Variants in PTK2 observed in about 807,000 individuals in gnomAD.
PTK2 encodes focal adhesion kinase 1.
In PTK2, 45 loss-of-function variants were observed where a neutral mutation model predicts 150.1. The ratio of observed to expected loss-of-function variants is 0.30; its 90% confidence interval spans 0.24 to 0.38. PTK2 has a LOEUF of 0.38. Ranked by LOEUF, PTK2 falls within the 10% of genes least tolerant of loss-of-function variation. The pLI, the probability that PTK2 is intolerant of heterozygous loss-of-function variation, is 1.00. For missense variants in PTK2, 919 were observed against 1,307.3 expected (o/e 0.70, Z 4.58); for synonymous variants, 432 against 449.2 (o/e 0.96, Z 0.48).
At chr8:140,746,790 C>G in exon 18 of PTK2, 2 of 1,613,222 alleles carry the variant, frequency 1.2e-6, no homozygotes, top group Non-Finnish European at 1.7e-6. Context: ...CCATGATTAT[C>G]CAGACAGGAT....
At chr8:140,710,532 G>C (rs140894598) in intron 23 of PTK2, among the ~76,000 whole-genome samples, 3 of 151,930 alleles carry the variant, frequency 2.0e-5, no homozygotes, top group Non-Finnish European at 4.4e-5. Flanking sequence ...TTAGCCAGGC[G>C]TGGTGGCACA....
intron 1 of PTK2, among the ~76,000 whole-genome samples, chr8:140,951,726 T>A (rs1300252313): frequency 5.3e-5 from 8 of 151,726 alleles, no homozygotes; most frequent in African/African-American, 7.3e-5. Flanking sequence ...TACAAAAAAA[T>A]TTTTTTAATT....
Position 140,693,409 on chromosome 8 carries a change from T to A in PTK2, c.2500-6715A>T, listed in dbSNP as rs113076055. Among the ~76,000 whole-genome samples the A allele has an allele frequency of 7.8e-3, 1,186 of 151,422 alleles. 7 individuals are homozygous for A. The highest frequency in any genetic ancestry group is 0.011 in the Non-Finnish European group (745 of 67,852). On this transcript the variant is annotated intron_variant, in intron 26 of 31. Coordinates refer to ENST00000522684, the Ensembl canonical transcript of PTK2. The stretch of plus-strand genomic sequence containing the variant: ...TCTCTATAAAAAAAAGTAACAAAAT[T>A]AGCCAGGCTTGGTAGCATATGCCCG...
intron 3 of PTK2, among the ~76,000 whole-genome samples, chr8:140,882,775 T>G (rs955573447): frequency 6.6e-6 from 1 of 152,208 alleles, no homozygotes; most frequent in African/African-American, 2.4e-5. Flanking sequence ...CTAGCTGTCA[T>G]CAAAGGTATT....
rs372937897 is a variant in PTK2 at position 140,731,833 on chromosome 8, G to C, written c.2030+3418C>G. Among the ~76,000 whole-genome samples, 41 of 152,264 alleles carry C rather than the reference G, an allele frequency of 2.7e-4. 2 individuals carry two copies. Among genetic ancestry groups the C allele is most frequent in the African/African-American group, 9.6e-4 (40 of 41,544 alleles). On this transcript the variant is annotated intron_variant, in intron 22 of 31. Coordinates refer to ENST00000522684, the Ensembl canonical transcript of PTK2. ...TGGGAGAATCACTTGAGCATGGGAG[G>C]TGGAGGTTGCAGGCAGCAGAGATGG...
chr8:140,887,800 A>T (rs1229872362), intron 3 of PTK2, among the ~76,000 whole-genome samples: 1 of 152,162 alleles, frequency 6.6e-6, no homozygotes, highest in Non-Finnish European at 1.5e-5. Context: ...ATCATAACAC[A>T]TTGATATATT....
intron 1 of PTK2, among the ~76,000 whole-genome samples, chr8:140,994,740 TC>T (rs2100196970): frequency 6.6e-6 from 1 of 152,174 alleles, no homozygotes; most frequent in Non-Finnish European, 1.5e-5. Flanking sequence ...TTCCCACTAT[TC>T]CACTTACTGG....
At chr8:140,980,702 G>A (rs909954169) in intron 1 of PTK2, among the ~76,000 whole-genome samples, 2 of 150,874 alleles carry the variant, frequency 1.3e-5, no homozygotes, top group African/African-American at 4.9e-5. Flanking sequence ...CCTTCAAGTC[G>A]CCTGCCTGGG....
chr8:140,813,640 T>C (rs2100102903), intron 10 of PTK2, among the ~76,000 whole-genome samples: 1 of 152,210 alleles, frequency 6.6e-6, no homozygotes, highest in Admixed American at 6.5e-5. Flanking sequence ...GGGACACAGG[T>C]AAGGCAGTGT....
intron 12 of PTK2, among the ~76,000 whole-genome samples, chr8:140,799,559 C>T (rs2100093724): frequency 6.6e-6 from 1 of 152,208 alleles, no homozygotes; most frequent in African/African-American, 2.4e-5. Flanking sequence ...CATTCTTTTA[C>T]AGATGAGGTA....
At position 140,697,615 on chromosome 8, in the gene PTK2, G is replaced by C. The variant is rs766685537; in HGVS notation, c.2499+3276C>G. On this transcript the variant is annotated intron_variant, in intron 26 of 31. Coordinates refer to ENST00000522684, the Ensembl canonical transcript of PTK2. ...CAGTTTTGTATTTCAGTACAGATGG[G>C]GTTTCACCATGTTGGCCAGGCCGGT... Among the ~76,000 whole-genome samples the C allele has an allele frequency of 6.6e-4, 100 of 151,990 alleles. 1 individual carries two copies. The highest frequency in any genetic ancestry group is 4.6e-3 in the Admixed American group (70 of 15,236).
chr8:140,836,616 T>G (rs2100118790), intron 7 of PTK2, among the ~76,000 whole-genome samples: 1 of 152,178 alleles, frequency 6.6e-6, no homozygotes, highest in East Asian at 1.9e-4. Flanking sequence ...AGGATGCAAT[T>G]GACTACTGTT....
intron 26 of PTK2, among the ~76,000 whole-genome samples, chr8:140,687,723 T>C (rs192662090): frequency 3.9e-3 from 595 of 152,296 alleles, no homozygotes; most frequent in Non-Finnish European, 6.9e-3. Flanking sequence ...TTTGTCTCTG[T>C]CTTAACTATC....
At chr8:140,708,143 T>G (rs1386328358) in intron 23 of PTK2, among the ~76,000 whole-genome samples, 3 of 152,184 alleles carry the variant, frequency 2.0e-5, no homozygotes, top group Non-Finnish European at 2.9e-5. Context: ...CTAGCCAAAT[T>G]AAGTACAGAA....
chr8:140,781,772 C>T (rs1017948022), intron 14 of PTK2, among the ~76,000 whole-genome samples: 1 of 152,182 alleles, frequency 6.6e-6, no homozygotes, highest in African/African-American at 2.4e-5. Context: ...CAGGATACTT[C>T]TTTACAACAT....
intron 27 of PTK2, among the ~76,000 whole-genome samples, chr8:140,679,416 C>T (rs1255823199): frequency 1.3e-5 from 2 of 152,136 alleles, no homozygotes; most frequent in Admixed American, 6.6e-5. Flanking sequence ...AAATCCTATT[C>T]TCAGAACATC....
chr8:140,840,473 G>GAA (rs1354313779), intron 7 of PTK2, among the ~76,000 whole-genome samples: 1 of 152,086 alleles, frequency 6.6e-6, no homozygotes, highest in African/African-American at 2.4e-5. Flanking sequence ...AAAATAACAG[G>GAA]AAAAAATGAT....
At chr8:140,951,895 T>C (rs997877888) in intron 1 of PTK2, among the ~76,000 whole-genome samples, 5 of 17,938 alleles carry the variant, frequency 2.8e-4, no homozygotes, top group African/African-American at 4.1e-4. Context: ...CAAAGAAAAA[T>C]TAAAAAAAAA....
At chr8:140,992,445 G>A (rs570351181) in intron 1 of PTK2, among the ~76,000 whole-genome samples, 1 of 152,276 alleles carries the variant, frequency 6.6e-6, no homozygotes, top group East Asian at 1.9e-4. Flanking sequence ...ACTCCAGCCT[G>A]TGCCACAGAG....
Sources: gnomAD v4.1 joint callset for allele counts (sites outside exome capture counted in the v4.1 genomes callset) on GRCh38, gnomAD v4.1.1 for gene constraint, MANE v1.5 for transcripts, NCBI Gene and HGNC (gene_info 2026-07-23, HGNC 2026-07-21) for gene names.